PCDHGB6: variants seen among roughly 807,000 people sequenced by gnomAD.
The protein encoded by PCDHGB6 is protocadherin gamma-B6.
PCDHGB6 carries 51 observed loss-of-function variants against 59.1 expected under a neutral mutation model. The observed-to-expected ratio is 0.86, with a 90% CI of 0.69 to 1.09. The LOEUF is 1.09. Among genes scored for constraint, PCDHGB6 ranks in the 50% least tolerant of loss-of-function variants. The pLI, the probability that PCDHGB6 is intolerant of heterozygous loss-of-function variation, is 0.00. For missense variants in PCDHGB6, 1,148 were observed against 1,205.1 expected (o/e 0.95, Z 0.70); for synonymous variants, 466 against 495.1 (o/e 0.94, Z 0.78).
Position 141,432,683 on chromosome 5 carries a change from C to T in PCDHGB6, c.2418+22063C>T, listed in dbSNP as rs138402830. The T allele has an allele frequency of 4.8e-5, 78 of 1,613,968 alleles. No individual in the cohort carries two copies. In the African/African-American group the frequency reaches 9.5e-4, roughly 20 times the overall value. On this transcript the variant is annotated intron_variant, in intron 1 of 3. Transcript: ENST00000520790. The surrounding 1 kb of genome is among the most constrained non-coding windows in gnomAD (Gnocchi z 6.0). ...GGACAGAGACGCGCTCAAGCAGAGC[C>T]TCGTAGTGGCCGTCCAGGACCACGG...
At position 141,491,196 on chromosome 5, in the gene PCDHGB6, T is replaced by C. The variant is rs899789155; in HGVS notation, c.2419-3611T>C. ...TGGTGGTCCTGGTGAGGGACAATGGTGACCCTTCACTCTCCTCCACAGCCA... is the reference window on the plus strand; with the variant it reads ...TGGTGGTCCTGGTGAGGGACAATGGCGACCCTTCACTCTCCTCCACAGCCA... On this transcript the variant is annotated intron_variant, in intron 1 of 3. Transcript: ENST00000520790. The surrounding 1 kb of genome is among the most constrained non-coding windows in gnomAD (Gnocchi z 6.9). The C allele has an allele frequency of 6.8e-6, 11 of 1,614,186 alleles. No homozygotes were observed. The highest frequency in any genetic ancestry group is 9.3e-6 in the Non-Finnish European group (11 of 1,180,030).
rs191354649 is a variant in PCDHGB6 at position 141,510,446 on chromosome 5, C to T, written c.2567-501C>T. 8.9e-4 allele frequency among the ~76,000 whole-genome samples: 135 copies of T among 152,154 alleles called. 1 individual carries two copies. Among genetic ancestry groups the T allele is most frequent in the Non-Finnish European group, 1.7e-3 (114 of 68,010 alleles). On this transcript the variant is annotated intron_variant, in intron 3 of 3. Coordinates refer to ENST00000520790, the MANE Select transcript of PCDHGB6 (RefSeq NM_018926.3). ...TTTCATGGCTGCTGCCCTCCAGGAG[C>T]CCATGGTCTAGTGTGGGAGTCAGAG...
At chr5:141,426,538 C>T (rs1038881219) in intron 1 of PCDHGB6, 2 of 346,308 alleles carry the variant, frequency 5.8e-6, no homozygotes, top group Non-Finnish European at 1.2e-5. Context: ...TGGGAACATA[C>T]TTGTGAGTGA....
chr5:141,428,361 C>G, intron 1 of PCDHGB6: 2 of 556,764 alleles, frequency 3.6e-6, no homozygotes, highest in Non-Finnish European at 6.6e-6. Context: ...TTTTGGCGGT[C>G]GCCTTGCACC....
At chr5:141,443,874 A>G (rs2098409122) in intron 1 of PCDHGB6, among the ~76,000 whole-genome samples, 1 of 152,190 alleles carries the variant, frequency 6.6e-6, no homozygotes, top group Non-Finnish European at 1.5e-5. Flanking sequence ...AATTACTGAT[A>G]AGTCAAGAGA....
chr5:141,488,606 C>T (rs781116401), intron 1 of PCDHGB6, among the ~76,000 whole-genome samples: 2 of 152,156 alleles, frequency 1.3e-5, no homozygotes, highest in Admixed American at 1.3e-4. Flanking sequence ...TTACAAGGTT[C>T]TTACTAATCT....
chr5:141,487,936 G>C lies in PCDHGB6; in HGVS notation c.2419-6871G>C. On this transcript the variant is annotated intron_variant, in intron 1 of 3. Coordinates refer to ENST00000520790, the MANE Select transcript of PCDHGB6 (RefSeq NM_018926.3). This position sits in a 1 kb window ranked among gnomAD's most constrained non-coding sequence, Gnocchi z 5.0. The stretch of plus-strand genomic sequence containing the variant: ...AGGAGGCTACAGTGCACAGGGTACA[G>C]TGCACCAGGCAGTCACTTGGACAAA... 4.9e-6 allele frequency: 3 copies of C among 607,906 alleles called. No homozygotes were observed. The highest frequency in any genetic ancestry group is 3.7e-5 in the African/African-American group (2 of 54,158). 37.7% of individuals were successfully genotyped at this position (607,906 alleles called of 1,614,324 possible). A position where few individuals can be genotyped will look rare whatever the true frequency, so the allele number is the denominator to read the frequency against.
rs757614552 is a variant in PCDHGB6 at position 141,409,358 on chromosome 5, A to G, written c.1156A>G (p.Ile386Val). ...FGGNGEVRCN[I>V]ETDIPFKIYS... is the part of the protein sequence containing the mutation. ...AGGAAATGGAGAAGTCAGGTGTAAT[A>G]TAGAAACAGACATTCCATTCAAGAT... is the stretch of plus-strand genomic sequence containing the variant. Residue 386 changes from isoleucine to valine, a missense_variant, in exon 1 of 4, where the codon ATA (isoleucine) becomes GTA (valine). This residue lies in a region of PCDHGB6 where 549 missense variants were observed against 527.5 expected (regional missense o/e 1.04). Coordinates refer to ENST00000520790, the MANE Select transcript of PCDHGB6 (RefSeq NM_018926.3). 1.2e-6 allele frequency: 2 copies of G among 1,613,900 alleles called. No homozygotes were observed. The highest frequency in any genetic ancestry group is 8.5e-7 in the Non-Finnish European group (1 of 1,179,910).
rs1554136305 is a variant in PCDHGB6, at chr5:141,450,006, CT to C, written c.2418+39404del. Reference sequence around the variant, plus strand: ...CACATTGCATTTAGTTGCCATGTCTCTTTTTTTTTTTTTTTTTTGAGACAGG... The same window carrying C: ...CACATTGCATTTAGTTGCCATGTCTCTTTTTTTTTTTTTTTTTGAGACAGG... On this transcript the variant is annotated intron_variant, in intron 1 of 3. Coordinates refer to ENST00000520790, the MANE Select transcript of PCDHGB6 (RefSeq NM_018926.3). Among the ~76,000 whole-genome samples, 140 of 132,944 alleles carry C rather than the reference CT, an allele frequency of 1.1e-3. 2 individuals are homozygous for C. In the Middle Eastern group the frequency reaches 0.016, roughly 15 times the overall value. 87.2% of individuals were successfully genotyped at this position (132,944 alleles called of 152,430 possible). A position where few individuals can be genotyped will look rare whatever the true frequency, so the allele number is the denominator to read the frequency against.
chr5:141,422,539 C>T (rs1335732614), intron 1 of PCDHGB6: 6 of 1,613,876 alleles, frequency 3.7e-6, no homozygotes, highest in Middle Eastern at 1.6e-4. Context: ...TGCAGAAACT[C>T]ATGTCTGGCT....
chr5:141,460,624 T>TA (rs1464862917), intron 1 of PCDHGB6, among the ~76,000 whole-genome samples: 2 of 152,128 alleles, frequency 1.3e-5, no homozygotes, highest in African/African-American at 4.8e-5. Context: ...GATAGACAGA[T>TA]ACAGATATAT....
In PCDHGB6 at chr5:141,489,375, G is replaced by A. The variant is rs768190252; in HGVS notation, c.2419-5432G>A. The A allele has an allele frequency of 1.2e-5, 19 of 1,613,826 alleles. No individual in the cohort carries two copies. The Admixed American group carries it at 3.2e-4, about 27-fold the overall frequency. ...AGGAGTCTGAGCCGGGGACGCTGGT[G>A]GGGAATGTTGCTCAGGATCTGGGCT... On this transcript the variant is annotated intron_variant, in intron 1 of 3. Transcript: ENST00000520790. The surrounding 1 kb of genome is among the most constrained non-coding windows in gnomAD (Gnocchi z 4.5).
chr5:141,419,737 G>C lies in PCDHGB6; in HGVS notation c.2418+9117G>C, dbSNP rs201663350. The C allele has an allele frequency of 1.9e-6, 3 of 1,613,718 alleles. No homozygotes were observed. In the African/African-American group the frequency reaches 4.0e-5, roughly 22 times the overall value. Reference sequence around the variant, plus strand: ...GCCTGGGGCTGCGAACAGGCGAGGTGCGCATGGTGCGTGCTTTGGGTGACA... The same window carrying C: ...GCCTGGGGCTGCGAACAGGCGAGGTCCGCATGGTGCGTGCTTTGGGTGACA... On this transcript the variant is annotated intron_variant, in intron 1 of 3. Transcript: ENST00000520790.
rs745638360 is a variant in PCDHGB6, at chr5:141,410,529, A to G, written c.2327A>G (p.Asn776Ser). Reference sequence around the variant, plus strand: ...AAATGCAGTGTGCCCCTACATTCCAATGAAGACATGGTTTGCAGTGTTTCT... The same window carrying G: ...AAATGCAGTGTGCCCCTACATTCCAGTGAAGACATGGTTTGCAGTGTTTCT... ...FLKCSVPLHS[N>S]EDMVCSVSPG... is the part of the protein sequence containing the mutation. Residue 776 changes from asparagine to serine, a missense_variant, in exon 1 of 4, where the codon AAT becomes AGT. By Grantham distance (46) the Asn-to-Ser change is conservative. Around this residue, in one of 5 missense-constraint regions of PCDHGB6, gnomAD observed 283 missense variants for 318.6 expected, o/e 0.89. Transcript: ENST00000520790. The G allele has an allele frequency of 3.1e-6, 5 of 1,613,804 alleles. No individual in the cohort carries two copies. The Admixed American group carries it at 5.0e-5, about 16-fold the overall frequency.
intron 1 of PCDHGB6, among the ~76,000 whole-genome samples, chr5:141,482,530 CAA>C (rs3074545): frequency 2.5e-4 from 19 of 76,528 alleles, no homozygotes; most frequent in East Asian, 4.2e-4. Context: ...GACAGACATG[CAA>C]AAAAAAAAAA....
intron 3 of PCDHGB6, among the ~76,000 whole-genome samples, chr5:141,510,415 C>G (rs2099881071): frequency 6.6e-6 from 1 of 152,082 alleles, no homozygotes; most frequent in Admixed American, 6.5e-5. Flanking sequence ...GCATGTAAAG[C>G]CATGGTTTCA....
chr5:141,423,531 C>T, intron 1 of PCDHGB6: 1 of 1,613,736 alleles, frequency 6.2e-7, no homozygotes, highest in South Asian at 1.1e-5. Context: ...AGAAGAGTCA[C>T]CTGATTTTCC....
rs1285420674 is a variant in PCDHGB6 at position 141,409,726 on chromosome 5, C to G, written c.1524C>G (p.Ser508Arg). The G allele has an allele frequency of 1.9e-6, 3 of 1,612,982 alleles. No homozygotes were observed. The Admixed American group carries it at 5.0e-5, about 27-fold the overall frequency. The change falls in exon 1 of 4, where the codon AGC becomes AGG. Residue 508 changes from serine (S) to arginine (R), a missense_variant. By Grantham distance (110) the Ser-to-Arg change is moderately radical (BLOSUM62 -1). Transcript: ENST00000520790. ...PLAVSSYVSV[S>R]AQSGVVFAQR... ...CGGTGTCGTCATACGTGTCAGTGAG[C>G]GCGCAGAGCGGGGTGGTGTTCGCGC...
In PCDHGB6 at chr5:141,505,419, C is replaced by G. The variant is rs1303924776; in HGVS notation, c.2504C>G (p.Thr835Ser). 6 of 1,614,140 alleles carry G rather than the reference C, an allele frequency of 3.7e-6. No individual in the cohort carries two copies. The highest frequency in any genetic ancestry group is 4.2e-6 in the Non-Finnish European group (5 of 1,180,062). Residue 835 changes from threonine to serine, a missense_variant, in exon 3 of 4, where the codon ACC becomes AGC. Thr to Ser is a moderately conservative substitution (Grantham distance 58). Around this residue, in one of 5 missense-constraint regions of PCDHGB6, gnomAD observed 283 missense variants for 318.6 expected, o/e 0.89. Coordinates refer to ENST00000520790, the MANE Select transcript of PCDHGB6 (RefSeq NM_018926.3). ...SGSQNGDDTGTWPNNQFDTEM... is the reference protein window; with the variant it reads ...SGSQNGDDTGSWPNNQFDTEM... ...TCCCAAAATGGCGATGACACCGGCACCTGGCCCAACAACCAGTTTGACACA... is the reference window on the plus strand; with the variant it reads ...TCCCAAAATGGCGATGACACCGGCAGCTGGCCCAACAACCAGTTTGACACA...
Sources: allele counts gnomAD v4.1 joint callset (sites outside exome capture counted in the v4.1 genomes callset), GRCh38; gene constraint gnomAD v4.1.1; regional missense constraint gnomAD v4.1.1; non-coding constraint Gnocchi (gnomAD v3.1); transcripts MANE v1.5; gene names NCBI Gene and HGNC (gene_info 2026-07-23, HGNC 2026-07-21).